Variants in GRM7 observed in about 807,000 individuals in gnomAD.
The protein encoded by GRM7 is metabotropic glutamate receptor 7.
Under a neutral mutation model 84.5 loss-of-function variants are expected in GRM7, and 35 were observed. The ratio of observed to expected loss-of-function variants is 0.41; its 90% CI spans 0.32 to 0.55. The LOEUF is 0.55. Ranked by LOEUF, GRM7 falls within the 20% of genes least tolerant of loss-of-function variation. GRM7 has a pLI of 0.19. For missense variants in GRM7, 1,003 were observed against 1,194.6 expected (o/e 0.84, Z 2.36); for synonymous variants, 487 against 455.1 (o/e 1.07, Z -0.89).
rs1697970272 is a variant in GRM7, at chr3:7,634,176, T to C, written c.2452-45873T>C. Among the ~76,000 whole-genome samples, 3 of 152,150 alleles carry C rather than the reference T, an allele frequency of 2.0e-5. No individual in the cohort carries two copies. In the South Asian group the frequency reaches 6.2e-4, roughly 31 times the overall value. The stretch of plus-strand genomic sequence containing the variant: ...TGGATGACTTGGCTGATAAAGTAAT[T>C]CAAAAGTGAGTTTGAACTCAGAACA... On this transcript the variant is annotated intron_variant, in intron 8 of 9. Coordinates refer to ENST00000357716, the MANE Select transcript of GRM7 (RefSeq NM_000844.4).
At chr3:7,210,411 C>T (rs1445938359) in intron 2 of GRM7, among the ~76,000 whole-genome samples, 2 of 151,982 alleles carry the variant, frequency 1.3e-5, no homozygotes, top group Non-Finnish European at 2.9e-5. Flanking sequence ...GATTTGTTAT[C>T]CTTAAAGAAA....
chr3:7,047,800 C>T (rs193292955), intron 1 of GRM7, among the ~76,000 whole-genome samples: 1 of 152,020 alleles, frequency 6.6e-6, no homozygotes, highest in East Asian at 1.9e-4. Context: ...TATCCTAAAG[C>T]TTGAGTAATC....
chr3:7,513,464 C>T (rs1363890735), intron 7 of GRM7, among the ~76,000 whole-genome samples: 1 of 151,826 alleles, frequency 6.6e-6, no homozygotes, highest in Non-Finnish European at 1.5e-5. Context: ...TTCCTGCCTC[C>T]TCCACATTGA....
chr3:6,914,263 G>A (rs1456705067), intron 1 of GRM7, among the ~76,000 whole-genome samples: 1 of 152,122 alleles, frequency 6.6e-6, no homozygotes, highest in Non-Finnish European at 1.5e-5. Flanking sequence ...AAATAAAGTT[G>A]TCAATCTTTA....
chr3:7,148,360 A>G (rs1000176512), intron 2 of GRM7, among the ~76,000 whole-genome samples: 5 of 152,226 alleles, frequency 3.3e-5, no homozygotes, highest in African/African-American at 1.2e-4. Context: ...CTTAGAGACA[A>G]AGGGCAGATG....
chr3:7,383,278 G>A (rs1292813942), intron 4 of GRM7, among the ~76,000 whole-genome samples: 2 of 152,202 alleles, frequency 1.3e-5, no homozygotes, highest in African/African-American at 4.8e-5. Flanking sequence ...AGACTATTGA[G>A]TGGGTACCTG....
intron 1 of GRM7, among the ~76,000 whole-genome samples, chr3:6,927,463 G>GAGAGAGAAAGAAAGAAAGAA (rs1553595155): frequency 2.1e-5 from 2 of 93,220 alleles, no homozygotes; most frequent in Non-Finnish European, 5.2e-5. Context: ...GAAAGAGAGA[G>GAGAGAGAAAGAAAGAAAGAA]AGAAAGAAAG....
At chr3:7,373,999 A>G (rs1030607833) in intron 4 of GRM7, among the ~76,000 whole-genome samples, 1 of 152,180 alleles carries the variant, frequency 6.6e-6, no homozygotes, top group Non-Finnish European at 1.5e-5. Flanking sequence ...GATTATGTCA[A>G]GGACATGTTC....
intron 2 of GRM7, among the ~76,000 whole-genome samples, chr3:7,270,544 A>G (rs1698816700): frequency 6.6e-6 from 1 of 151,900 alleles, no homozygotes; most frequent in African/African-American, 2.4e-5. Context: ...GTTGCTTTTT[A>G]CTATCCAGGG....
intron 1 of GRM7, among the ~76,000 whole-genome samples, chr3:6,907,063 G>GA (rs1296791629): frequency 6.6e-6 from 1 of 151,930 alleles, no homozygotes; most frequent in Non-Finnish European, 1.5e-5. Context: ...TACATTTCTT[G>GA]AGATGTATTC....
intron 1 of GRM7, among the ~76,000 whole-genome samples, chr3:7,092,812 C>T (rs183390109): frequency 1.2e-4 from 19 of 152,306 alleles, no homozygotes; most frequent in Admixed American, 1.0e-3. Flanking sequence ...GACTGGGCAC[C>T]TTGGCTCATG....
rs537424059 is a variant in GRM7, at chr3:7,513,621, G to A, written c.1515+51899G>A. On this transcript the variant is annotated intron_variant, in intron 7 of 9. Coordinates refer to ENST00000357716, the MANE Select transcript of GRM7 (RefSeq NM_000844.4). ...AGAGTGGACTTGTGATATTCTTAAT[G>A]CAAATAAATAATAAATGCTTGAGGT... Among the ~76,000 whole-genome samples the A allele has an allele frequency of 6.8e-4, 104 of 152,164 alleles. 1 individual carries two copies. The highest frequency in any genetic ancestry group is 2.5e-3 in the African/African-American group (102 of 41,528).
At chr3:7,242,171 A>G (rs1559522185) in intron 2 of GRM7, among the ~76,000 whole-genome samples, 1 of 152,162 alleles carries the variant, frequency 6.6e-6, no homozygotes, top group Non-Finnish European at 1.5e-5. Context: ...AAAGATGTCA[A>G]CTTAAATAAT....
intron 1 of GRM7, among the ~76,000 whole-genome samples, chr3:7,092,716 T>C (rs1416374978): frequency 2.0e-5 from 3 of 152,110 alleles, no homozygotes; most frequent in Admixed American, 2.0e-4. Flanking sequence ...GTCATATTTA[T>C]CAGAATCTCA....
At chr3:7,495,619 A>G (rs182646115) in intron 7 of GRM7, among the ~76,000 whole-genome samples, 5 of 152,264 alleles carry the variant, frequency 3.3e-5, no homozygotes, top group Admixed American at 3.3e-4. Context: ...GCAAGGAAAA[A>G]AAGTCCCTCT....
At chr3:7,072,102 C>A (rs1697904645) in intron 1 of GRM7, among the ~76,000 whole-genome samples, 1 of 152,040 alleles carries the variant, frequency 6.6e-6, no homozygotes, top group African/African-American at 2.4e-5. Context: ...TGGATCATTC[C>A]AGGTGACCGT....
chr3:7,142,016 T>A (rs1243867678), intron 1 of GRM7, among the ~76,000 whole-genome samples: 1 of 152,124 alleles, frequency 6.6e-6, no homozygotes, highest in Non-Finnish European at 1.5e-5. Flanking sequence ...GAGGAAATAC[T>A]CATGAGTATG....
chr3:7,565,200 A>G (rs1173779010), intron 7 of GRM7, among the ~76,000 whole-genome samples: 2 of 152,224 alleles, frequency 1.3e-5, no homozygotes, highest in Non-Finnish European at 1.5e-5. Context: ...AATTTTGAGT[A>G]TAGAAAAATC....
intron 1 of GRM7, among the ~76,000 whole-genome samples, chr3:7,129,488 C>A (rs965436752): frequency 2.6e-5 from 4 of 152,176 alleles, no homozygotes; most frequent in African/African-American, 4.8e-5. Context: ...AAAATCAGTT[C>A]TTGCAACTAC....
Sources: gnomAD v4.1 joint callset for allele counts (sites outside exome capture counted in the v4.1 genomes callset) on GRCh38, gnomAD v4.1.1 for gene constraint, MANE v1.5 for transcripts, NCBI Gene and HGNC (gene_info 2026-07-23, HGNC 2026-07-21) for gene names.